PTPRK: variants seen among roughly 807,000 people sequenced by gnomAD.
The protein encoded by PTPRK is protein tyrosine phosphatase receptor type K, also known as receptor-type tyrosine-protein phosphatase kappa.
In PTPRK, 75 loss-of-function variants were observed where a neutral mutation model predicts 178.0. That is an observed-to-expected ratio of 0.42 (90% confidence interval 0.35 to 0.51). PTPRK has a LOEUF of 0.51. PTPRK is among the 20% of genes least tolerant of loss of function. PTPRK has a pLI of 0.02. For synonymous variants in PTPRK, 637 were observed against 620.6 expected (o/e 1.03, Z -0.39); for missense variants, 1,441 against 1,797.8 (o/e 0.80, Z 3.59).
intron 7 of PTPRK, 27 bp downstream of exon 7, chr6:128,184,405 T>C: frequency 6.2e-7 from 1 of 1,605,452 alleles, no homozygotes; most frequent in Non-Finnish European, 8.5e-7. Flanking sequence ...CTTCACAAGG[T>C]AGAAAAGGTC....
intron 7 of PTPRK, 84 bp downstream of exon 7, chr6:128,184,348 T>C: frequency 7.6e-7 from 1 of 1,318,568 alleles, no homozygotes; most frequent in Non-Finnish European, 1.0e-6. Context: ...TATCAAATAA[T>C]GAGAACCTTC....
At chr6:128,379,803 G>A (rs1284951230) in intron 2 of PTPRK, among the ~76,000 whole-genome samples, 1 of 152,128 alleles carries the variant, frequency 6.6e-6, no homozygotes, top group Non-Finnish European at 1.5e-5. Flanking sequence ...AAAAAGCCTT[G>A]ACCTTCCAGG....
At chr6:128,237,977 C>G (rs1208796768) in intron 5 of PTPRK, 1 of 430,308 alleles carries the variant, frequency 2.3e-6, no homozygotes, top group Non-Finnish European at 4.6e-6. Flanking sequence ...TTGAAAACAC[C>G]CTTAGTAATT....
At chr6:128,065,027 T>G (rs1781520010) in intron 12 of PTPRK, among the ~76,000 whole-genome samples, 1 of 152,236 alleles carries the variant, frequency 6.6e-6, no homozygotes, top group Non-Finnish European at 1.5e-5. Flanking sequence ...TATTTGTTTT[T>G]ACCTTGCAAT....
At chr6:128,375,070 T>C (rs192946185) in intron 2 of PTPRK, among the ~76,000 whole-genome samples, 5 of 145,702 alleles carry the variant, frequency 3.4e-5, no homozygotes, top group African/African-American at 1.3e-4. Flanking sequence ...TTATTATTAT[T>C]ATTATTATTA....
chr6:128,164,936 A>G (rs2114619501), intron 7 of PTPRK, among the ~76,000 whole-genome samples: 1 of 151,510 alleles, frequency 6.6e-6, no homozygotes, highest in East Asian at 1.9e-4. Flanking sequence ...AGCTATCTAA[A>G]TTATCACAAT....
intron 1 of PTPRK, among the ~76,000 whole-genome samples, chr6:128,453,768 C>T (rs1488650723): frequency 6.6e-6 from 1 of 152,096 alleles, no homozygotes; most frequent in African/African-American, 2.4e-5. Flanking sequence ...TACATTGGTG[C>T]TACTCTACCC....
intron 1 of PTPRK, among the ~76,000 whole-genome samples, chr6:128,446,468 T>C (rs1847045756): frequency 6.6e-6 from 1 of 152,226 alleles, no homozygotes; most frequent in Non-Finnish European, 1.5e-5. Context: ...CTTCAAAATG[T>C]AGAATAATTG....
intron 13 of PTPRK, among the ~76,000 whole-genome samples, chr6:128,024,392 C>A (rs116927853): frequency 1.3e-5 from 2 of 152,196 alleles, no homozygotes; most frequent in Non-Finnish European, 2.9e-5. Flanking sequence ...CTCTTATTTA[C>A]CAGGATCATT....
At position 128,090,043 on chromosome 6, in the gene PTPRK, T is replaced by C. The variant is rs778196046; in HGVS notation, c.1163-51A>G. Reference sequence around the variant, plus strand: ...CAGCTGTCTATTATATCATGAATAATCCTGGAAAAATAAAACACCAAGTAT... The same window carrying C: ...CAGCTGTCTATTATATCATGAATAACCCTGGAAAAATAAAACACCAAGTAT... On this transcript the variant is annotated intron_variant, in intron 7 of 29. Transcript: ENST00000368226. 18 of 1,418,522 alleles carry C rather than the reference T, an allele frequency of 1.3e-5. 1 individual carries two copies. In the South Asian group the frequency reaches 2.1e-4, roughly 16 times the overall value. The allele number at this position is 1,418,522 out of a possible 1,614,324, so 87.9% of individuals were successfully genotyped here.
At position 128,066,373 on chromosome 6, in the gene PTPRK, T is replaced by C. The variant is rs975269500; in HGVS notation, c.2157+1146A>G. Among the ~76,000 whole-genome samples the C allele has an allele frequency of 2.0e-5, 3 of 152,302 alleles. No individual in the cohort carries two copies. In the East Asian group the frequency reaches 5.8e-4, roughly 29 times the overall value. ...ATCTTAGAAGATGCTGTGGCCTTTT[T>C]CTTTGCTACCTACAAGCCAAGCATA... On this transcript the variant is annotated intron_variant, in intron 12 of 29. Transcript: ENST00000368226.
chr6:127,999,950 C>A, intron 15 of PTPRK: 1 of 912,368 alleles, frequency 1.1e-6, no homozygotes, highest in Non-Finnish European at 1.3e-6. Context: ...AATTCTTTTT[C>A]TGTCATAAGA....
At chr6:128,503,419 A>T (rs1314969125) in intron 1 of PTPRK, among the ~76,000 whole-genome samples, 1 of 152,146 alleles carries the variant, frequency 6.6e-6, no homozygotes, top group East Asian at 1.9e-4. Context: ...CCACGTCCTG[A>T]TGGCACTTTT....
At chr6:128,052,626 ATG>A (rs142935904) in intron 13 of PTPRK, among the ~76,000 whole-genome samples, 5,499 of 152,236 alleles carry the variant, frequency 0.036, 334 homozygotes, top group African/African-American at 0.12. Flanking sequence ...GGAAACCATA[ATG>A]TCTTTCCCAA....
chr6:128,364,935 T>C (rs1835281105), intron 2 of PTPRK, among the ~76,000 whole-genome samples: 1 of 152,068 alleles, frequency 6.6e-6, no homozygotes, highest in African/African-American at 2.4e-5. Flanking sequence ...CTATAAACAG[T>C]GCTGTAATAG....
At chr6:127,998,643 A>C (rs2114683299) in intron 16 of PTPRK, 77 bp downstream of exon 16, 2 of 1,250,260 alleles carry the variant, frequency 1.6e-6, no homozygotes, top group South Asian at 3.2e-5. Flanking sequence ...TGTGTTAAAG[A>C]GAGGGAAAAA....
intron 7 of PTPRK, among the ~76,000 whole-genome samples, chr6:128,096,191 T>A (rs1251741791): frequency 6.6e-6 from 1 of 152,192 alleles, no homozygotes; most frequent in Non-Finnish European, 1.5e-5. Flanking sequence ...AAGTATGGTA[T>A]TTATGCCTGT....
chr6:128,213,546 C>A (rs886137195), intron 6 of PTPRK, among the ~76,000 whole-genome samples: 1 of 151,910 alleles, frequency 6.6e-6, no homozygotes, highest in East Asian at 1.9e-4. Flanking sequence ...GTCAAGATGA[C>A]CAGTTTTCAC....
chr6:128,304,876 C>G (rs1008898483), intron 3 of PTPRK, among the ~76,000 whole-genome samples: 1 of 152,132 alleles, frequency 6.6e-6, no homozygotes, highest in Non-Finnish European at 1.5e-5. Context: ...TAAAACAAAA[C>G]TTGTGAGAAA....
Sources: gnomAD v4.1 joint callset for allele counts (sites outside exome capture counted in the v4.1 genomes callset) on GRCh38, gnomAD v4.1.1 for gene constraint, MANE v1.5 for transcripts, NCBI Gene and HGNC (gene_info 2026-07-23, HGNC 2026-07-21) for gene names.